Variants in REL observed in about 807,000 individuals in gnomAD.
The protein encoded by REL is proto-oncogene c-Rel.
A neutral mutation model predicts 45.9 loss-of-function variants in REL; 15 were observed. The ratio of observed to expected loss-of-function variants is 0.33; its 90% CI spans 0.22 to 0.50. The LOEUF is 0.50. Among genes scored for constraint, REL ranks in the 20% least tolerant of loss-of-function variants. REL has a pLI of 0.98. For missense variants in REL, 601 were observed against 715.2 expected (o/e 0.84, Z 1.82); for synonymous variants, 239 against 242.1 (o/e 0.99, Z 0.12).
chr2:60,917,146 T>C lies in REL; in HGVS notation c.535+129T>C, dbSNP rs1483904755. 1.3e-5 allele frequency: 10 copies of C among 752,528 alleles called. 1 individual carries two copies. The African/African-American group carries it at 1.6e-4, about 12-fold the overall frequency. The allele number at this position is 752,528 out of a possible 1,614,324, so 46.6% of individuals were successfully genotyped here. Reference sequence around the variant, plus strand: ...GGAAAACTTCCAGACATTAGAGAAATATATAACAGAAAGGAAATCTTCTCT... The same window carrying C: ...GGAAAACTTCCAGACATTAGAGAAACATATAACAGAAAGGAAATCTTCTCT... On this transcript the variant is annotated intron_variant, in intron 5 of 9. Transcript: ENST00000394479.
chr2:60,916,863 T>C lies in REL; in HGVS notation c.395-14T>C, dbSNP rs963297067. The C allele has an allele frequency of 3.1e-6, 5 of 1,602,810 alleles. No individual in the cohort carries two copies. Among genetic ancestry groups the C allele is most frequent in the Non-Finnish European group, 4.3e-6 (5 of 1,174,204 alleles). ...GTGACTATTACATTTAAAAAATTTT[T>C]TTTTTCTATTCAGTCCCTGAAAAAC... On this transcript the variant is annotated splice_polypyrimidine_tract_variant and intron_variant, in intron 4 of 9. Coordinates refer to ENST00000394479, the MANE Select transcript of REL (RefSeq NM_001291746.2).
At chr2:60,921,665 C>T in intron 9 of REL, 98 bp from the exon 10 acceptor site, 1 of 1,028,600 alleles carries the variant, frequency 9.7e-7, no homozygotes, top group South Asian at 1.8e-5. Context: ...TGACATTTTT[C>T]TTTATATATA....
intron 4 of REL, among the ~76,000 whole-genome samples, chr2:60,902,781 G>T (rs559693662): frequency 2.0e-5 from 3 of 151,938 alleles, no homozygotes; most frequent in East Asian, 3.9e-4. Flanking sequence ...TAGAGACAGG[G>T]TCTCGCCATG....
chr2:60,926,134 TC>T lies in REL; in HGVS notation c.*3602del, dbSNP rs1476783593. The T allele has an allele frequency of 4.3e-6, 1 of 231,904 alleles. No homozygotes were observed. The highest frequency in any genetic ancestry group is 6.1e-5 in the East Asian group (1 of 16,484). The allele number at this position is 231,904 out of a possible 1,614,324, so 14.4% of individuals were successfully genotyped here. A position where few individuals can be genotyped will look rare whatever the true frequency, so the allele number is the denominator to read the frequency against. On this transcript the variant is annotated 3_prime_UTR_variant, in exon 10 of 10. Transcript: ENST00000394479. ...TTCTGAACTCTACTTGTGCACTGGA[TC>T]CCTCCTCCTTTCTCTGCCAGGCTGT...
chr2:60,891,649 C>T, intron 1 of REL, 34 bp from the exon 2 acceptor site: 1 of 1,530,142 alleles, frequency 6.5e-7, no homozygotes, highest in Non-Finnish European at 8.8e-7. Context: ...CTATATTAAT[C>T]TCACTGACCT....
At chr2:60,892,336 G>A (rs842647) in intron 2 of REL, among the ~76,000 whole-genome samples, 93,537 of 151,992 alleles carry the variant, frequency 0.62, 29,994 homozygotes, top group Middle Eastern at 0.8. Context: ...CTTTATAAAT[G>A]CAGTTTTTTC....
At chr2:60,885,347 A>G (rs1234934707) in intron 1 of REL, among the ~76,000 whole-genome samples, 1 of 152,046 alleles carries the variant, frequency 6.6e-6, no homozygotes, top group African/African-American at 2.4e-5. Flanking sequence ...TGGTCTTGCC[A>G]TTTGTTTTTA....
rs1674283078 is a variant in REL, at chr2:60,926,992, C to T, written c.*4457C>T. 8.8e-6 allele frequency: 2 copies of T among 226,766 alleles called. No individual in the cohort carries two copies. Among genetic ancestry groups the T allele is most frequent in the Non-Finnish European group, 1.8e-5 (2 of 114,000 alleles). 14.0% of individuals were successfully genotyped at this position (226,766 alleles called of 1,614,324 possible). A position where few individuals can be genotyped will look rare whatever the true frequency, so the allele number is the denominator to read the frequency against. Reference sequence around the variant, plus strand: ...GCCTCCATACCTTTAGCATGTTACCCACTCTGCCTCTGCTCTTCTGGAACT... The same window carrying T: ...GCCTCCATACCTTTAGCATGTTACCTACTCTGCCTCTGCTCTTCTGGAACT... On this transcript the variant is annotated 3_prime_UTR_variant, in exon 10 of 10. Transcript: ENST00000394479.
At chr2:60,918,154 G>T (rs2103981041) in intron 5 of REL, 37 bp from the exon 6 acceptor site, 1 of 1,202,916 alleles carries the variant, frequency 8.3e-7, no homozygotes, top group East Asian at 2.3e-5. Context: ...TATTACTAAG[G>T]TAGCAACTCA....
chr2:60,927,551 T>A lies in REL; in HGVS notation c.*5016T>A, dbSNP rs961076888. 1 of 229,408 alleles carries A rather than the reference T, an allele frequency of 4.4e-6. No individual in the cohort carries two copies. Among genetic ancestry groups the A allele is most frequent in the Non-Finnish European group, 8.6e-6 (1 of 115,644 alleles). 14.2% of individuals were successfully genotyped at this position (229,408 alleles called of 1,614,324 possible). ...CAGGTTTAATCTCAGGTCTCCCTCATACACTTCTCAGCCTCAGCACCTAAC... is the reference window on the plus strand; with the variant it reads ...CAGGTTTAATCTCAGGTCTCCCTCAAACACTTCTCAGCCTCAGCACCTAAC... On this transcript the variant is annotated 3_prime_UTR_variant, in exon 10 of 10. Coordinates refer to ENST00000394479, the MANE Select transcript of REL (RefSeq NM_001291746.2).
chr2:60,900,900 A>T, intron 3 of REL, 92 bp from the exon 4 acceptor site: 1 of 1,048,216 alleles, frequency 9.5e-7, no homozygotes, highest in Non-Finnish European at 1.4e-6. Context: ...TACAACTGAC[A>T]GCATGATAAC....
In REL at chr2:60,930,479, C is replaced by T. The variant is rs1674362283; in HGVS notation, c.*7944C>T. 1 of 152,244 alleles carries T rather than the reference C, an allele frequency of 6.6e-6. No individual in the cohort carries two copies. The allele number at this position is 152,244 out of a possible 1,614,324, so 9.4% of individuals were successfully genotyped here. A position where few individuals can be genotyped will look rare whatever the true frequency, so the allele number is the denominator to read the frequency against. On this transcript the variant is annotated 3_prime_UTR_variant, in exon 10 of 10. Coordinates refer to ENST00000394479, the MANE Select transcript of REL (RefSeq NM_001291746.2). ...AATCAGAGATAAATGTATGGGTTGT[C>T]TGTATCTAGTTTTATGCCTTTTTTT...
intron 2 of REL, among the ~76,000 whole-genome samples, chr2:60,893,259 T>A (rs1673265123): frequency 6.6e-6 from 1 of 152,240 alleles, no homozygotes; most frequent in East Asian, 1.9e-4. Context: ...CAAAATCTAT[T>A]CTGTTGATGA....
chr2:60,892,454 G>T (rs1204974406), intron 2 of REL, among the ~76,000 whole-genome samples: 2 of 152,140 alleles, frequency 1.3e-5, no homozygotes, highest in Non-Finnish European at 2.9e-5. Context: ...TTGAGACGGA[G>T]TTTCACACTT....
Position 60,885,801 on chromosome 2 carries a change from A to G in REL, c.10+3951A>G, listed in dbSNP as rs562403426. Among the ~76,000 whole-genome samples, 49 of 152,314 alleles carry G rather than the reference A, an allele frequency of 3.2e-4. 1 individual carries two copies. The South Asian group carries it at 6.4e-3, about 20-fold the overall frequency. ...TGAGAGACATGCAGTCTAGTCAGCT[A>G]TTCTCAACTGTGGTGTTGACACACT... On this transcript the variant is annotated intron_variant, in intron 1 of 9. Transcript: ENST00000394479.
At chr2:60,913,497 T>C (rs765146098) in intron 4 of REL, among the ~76,000 whole-genome samples, 10 of 152,194 alleles carry the variant, frequency 6.6e-5, no homozygotes, top group Non-Finnish European at 1.2e-4. Flanking sequence ...AAATCTGATA[T>C]GTTTCCAGTT....
In REL at chr2:60,922,514, A is replaced by G. The variant is rs1478416408; in HGVS notation, c.1743A>G (p.Pro581=). ...MQNEQLSDSF[P]YEFFQV ...ATGAGCAATTGAGTGACTCCTTTCCATATGAATTTTTTCAAGTATAACTTG... is the reference window on the plus strand; with the variant it reads ...ATGAGCAATTGAGTGACTCCTTTCCGTATGAATTTTTTCAAGTATAACTTG... The change falls in exon 10 of 10, where the codon CCA becomes CCG. Residue 581 remains proline (P), a synonymous_variant. Coordinates refer to ENST00000394479, the MANE Select transcript of REL (RefSeq NM_001291746.2). 6.9e-6 allele frequency: 11 copies of G among 1,600,880 alleles called. No homozygotes were observed. Among genetic ancestry groups the G allele is most frequent in the Non-Finnish European group, 6.8e-6 (8 of 1,173,652 alleles).
Position 60,916,980 on chromosome 2 carries a change from T to C in REL, c.498T>C (p.Ala166=). The part of the protein sequence containing the change: ...LPDEHGNLTT[A]LPPVVSNPIY... ...ATGAACATGGTAATTTGACGACTGC[T>C]CTTCCTCCTGTTGTCTCGAACCCAA... The change falls in exon 5 of 10, where the codon GCT becomes GCC. Residue 166 remains alanine, a synonymous_variant. Coordinates refer to ENST00000394479, the MANE Select transcript of REL (RefSeq NM_001291746.2). 2.5e-6 allele frequency: 4 copies of C among 1,613,518 alleles called. No individual in the cohort carries two copies. The highest frequency in any genetic ancestry group is 3.4e-6 in the Non-Finnish European group (4 of 1,179,638).
rs1213047585 is a variant in REL, at chr2:60,929,034, A to G, written c.*6499A>G. On this transcript the variant is annotated 3_prime_UTR_variant, in exon 10 of 10. Coordinates refer to ENST00000394479, the MANE Select transcript of REL (RefSeq NM_001291746.2). ...AGGACATGAACAGACACTTCTCAAA[A>G]GAAGACATTTATGCAGCCAAAAAAC... 3.0e-4 allele frequency: 45 copies of G among 150,040 alleles called. No individual in the cohort carries two copies. The highest frequency in any genetic ancestry group is 1.0e-3 in the African/African-American group (42 of 41,052). 9.3% of individuals were successfully genotyped at this position (150,040 alleles called of 1,614,324 possible).
Sources: gnomAD v4.1 joint callset for allele counts (sites outside exome capture counted in the v4.1 genomes callset) on GRCh38, gnomAD v4.1.1 for gene constraint, MANE v1.5 for transcripts, NCBI Gene and HGNC (gene_info 2026-07-23, HGNC 2026-07-21) for gene names.